Variants in SV2B observed in about 807,000 individuals in gnomAD.
SV2B encodes solute carrier family 22 member B2.
In SV2B, 41 loss-of-function variants were observed where a neutral mutation model predicts 73.9. The observed-to-expected ratio is 0.56, with a 90% CI of 0.43 to 0.72. The LOEUF (loss-of-function observed/expected upper bound fraction) is 0.72. SV2B is among the 30% of genes least tolerant of loss of function. SV2B has a pLI of 0.00. For synonymous variants in SV2B, 314 were observed against 314.2 expected (o/e 1.00, Z 0.01); for missense variants, 764 against 857.8 (o/e 0.89, Z 1.37).
chr15:91,153,101 C>T (rs1482636717), intron 1 of SV2B, among the ~76,000 whole-genome samples: 1 of 152,044 alleles, frequency 6.6e-6, no homozygotes, highest in Non-Finnish European at 1.5e-5. Context: ...ATGCTCTGTC[C>T]TTATATGGCA....
rs1251230332 is a variant in SV2B at position 91,139,236 on chromosome 15, T to G, written c.-392+38873T>G. On this transcript the variant is annotated intron_variant, in intron 1 of 12. Transcript: ENST00000394232. The surrounding 1 kb of genome is among the most constrained non-coding windows in gnomAD (Gnocchi z 5.2). The stretch of plus-strand genomic sequence containing the variant: ...GAACTGGGTAGGGGTATAGATGATA[T>G]GAGATTGGAATGAGTTGATAATTGT... 6.6e-6 allele frequency among the ~76,000 whole-genome samples: 1 copy of G among 152,014 alleles called. No individual in the cohort carries two copies.
intron 1 of SV2B, among the ~76,000 whole-genome samples, chr15:91,196,607 C>A (rs2045254475): frequency 6.6e-6 from 1 of 152,306 alleles, no homozygotes; most frequent in South Asian, 2.1e-4. Context: ...GGAAATCCGA[C>A]CTTGATTCTT....
chr15:91,154,123 A>C (rs1328603527), intron 1 of SV2B, among the ~76,000 whole-genome samples: 3 of 147,860 alleles, frequency 2.0e-5, no homozygotes, highest in Non-Finnish European at 3.0e-5. Context: ...TTTTATATCA[A>C]TATATTAATA....
rs955501391 is a variant in SV2B, at chr15:91,297,131, G to C, written c.*4579G>C. 6.5e-6 allele frequency: 1 copy of C among 154,534 alleles called. No individual in the cohort carries two copies. Among genetic ancestry groups the C allele is most frequent in the Non-Finnish European group, 1.4e-5 (1 of 69,720 alleles). 9.6% of individuals were successfully genotyped at this position (154,534 alleles called of 1,614,324 possible). A position where few individuals can be genotyped will look rare whatever the true frequency, so the allele number is the denominator to read the frequency against. ...GCACGCTCCTTCTGCCTGATTGTTG[G>C]AAGCACGCTCCTTCTGCCTTCAGAC... On this transcript the variant is annotated 3_prime_UTR_variant, in exon 13 of 13. Transcript: ENST00000394232. This position sits in a 1 kb window ranked among gnomAD's most constrained non-coding sequence, Gnocchi z 5.1.
At chr15:91,152,467 C>T (rs917012618) in intron 1 of SV2B, among the ~76,000 whole-genome samples, 6 of 151,746 alleles carry the variant, frequency 4.0e-5, no homozygotes, top group African/African-American at 1.5e-4. Context: ...TATGAGGGAA[C>T]ATGTATTATT....
intron 2 of SV2B, among the ~76,000 whole-genome samples, chr15:91,238,590 C>T (rs1188431013): frequency 6.6e-6 from 1 of 152,212 alleles, no homozygotes; most frequent in African/African-American, 2.4e-5. Context: ...ATTGGCCTCT[C>T]AGGGTGCTGG....
chr15:91,129,453 C>T lies in SV2B; in HGVS notation c.-392+29090C>T, dbSNP rs929297684. Among the ~76,000 whole-genome samples, 13 of 152,068 alleles carry T rather than the reference C, an allele frequency of 8.5e-5. No individual in the cohort carries two copies. Among genetic ancestry groups the T allele is most frequent in the Non-Finnish European group, 1.5e-4 (10 of 67,994 alleles). ...AGGAGCATTGAGGCTGAGTCAAGTG[C>T]AATGGTGGGGATCAGCAAAGATGTA... On this transcript the variant is annotated intron_variant, in intron 1 of 12. Transcript: ENST00000394232. This position sits in a 1 kb window ranked among gnomAD's most constrained non-coding sequence, Gnocchi z 5.1.
chr15:91,178,824 T>C (rs1252710700), intron 1 of SV2B, among the ~76,000 whole-genome samples: 2 of 145,156 alleles, frequency 1.4e-5, no homozygotes, highest in East Asian at 4.4e-4. Context: ...TCAATTTTGT[T>C]GATCCTTTCA....
Position 91,268,437 on chromosome 15 carries a change from C to T in SV2B, c.1209-4C>T. 1 of 1,609,668 alleles carries T rather than the reference C, an allele frequency of 6.2e-7. No individual in the cohort carries two copies. Among genetic ancestry groups the T allele is most frequent in the Non-Finnish European group, 8.5e-7 (1 of 1,176,458 alleles). On this transcript the variant is annotated splice_region_variant and splice_polypyrimidine_tract_variant and intron_variant, in intron 8 of 12. Coordinates refer to ENST00000394232, the MANE Select transcript of SV2B (RefSeq NM_001323032.3). The surrounding 1 kb of genome is among the most constrained non-coding windows in gnomAD (Gnocchi z 4.4). ...GTTGCAACCTTCTGCCTTCTCCACT[C>T]CAGTTACTATGGACTGACAGTTTGG... is the stretch of plus-strand genomic sequence containing the variant.
chr15:91,177,192 A>C (rs2044345520), intron 1 of SV2B, among the ~76,000 whole-genome samples: 1 of 152,046 alleles, frequency 6.6e-6, no homozygotes, highest in South Asian at 2.1e-4. Flanking sequence ...GTCAAAGATC[A>C]GATAGTTGTA....
Position 91,110,922 on chromosome 15 carries a change from T to C in SV2B, c.-392+10559T>C, listed in dbSNP as rs563966589. ...AGGGTAGCAATGTAAAGGCAGTAGC[T>C]TGAAACTTAAGGCAAAGAAGAGAAA... On this transcript the variant is annotated intron_variant, in intron 1 of 12. Coordinates refer to ENST00000394232, the MANE Select transcript of SV2B (RefSeq NM_001323032.3). This position sits in a 1 kb window ranked among gnomAD's most constrained non-coding sequence, Gnocchi z 5.4. Among the ~76,000 whole-genome samples, 4 of 151,620 alleles carry C rather than the reference T, an allele frequency of 2.6e-5. No individual in the cohort carries two copies. The East Asian group carries it at 7.7e-4, about 29-fold the overall frequency.
chr15:91,178,836 C>A (rs200290563), intron 1 of SV2B, among the ~76,000 whole-genome samples: 35,155 of 124,136 alleles, frequency 0.28, 5,603 homozygotes, highest in East Asian at 0.64. Context: ...ATCCTTTCAA[C>A]AAACCAGCTC....
At chr15:91,193,024 A>G (rs2045099917) in intron 1 of SV2B, among the ~76,000 whole-genome samples, 1 of 152,192 alleles carries the variant, frequency 6.6e-6, no homozygotes, top group Non-Finnish European at 1.5e-5. Flanking sequence ...ACACAAATCT[A>G]TCTACTCATT....
At chr15:91,192,915 A>G (rs1235593945) in intron 1 of SV2B, among the ~76,000 whole-genome samples, 10 of 152,184 alleles carry the variant, frequency 6.6e-5, no homozygotes, top group Non-Finnish European at 7.3e-5. Context: ...GATGCAGTAC[A>G]TTGGCTTGGG....
At position 91,105,449 on chromosome 15, in the gene SV2B, C is replaced by T. The variant is rs2041857532; in HGVS notation, c.-392+5086C>T. Among the ~76,000 whole-genome samples, 1 of 152,116 alleles carries T rather than the reference C, an allele frequency of 6.6e-6. No homozygotes were observed. Among genetic ancestry groups the T allele is most frequent in the Non-Finnish European group, 1.5e-5 (1 of 68,018 alleles). ...GATAACTGGCATGTTCCAGGAACAGCAAGGTGGCTTATGTAGAAGGAACTG... is the reference window on the plus strand; with the variant it reads ...GATAACTGGCATGTTCCAGGAACAGTAAGGTGGCTTATGTAGAAGGAACTG... On this transcript the variant is annotated intron_variant, in intron 1 of 12. Transcript: ENST00000394232. The surrounding 1 kb of genome is among the most constrained non-coding windows in gnomAD (Gnocchi z 5.5).
chr15:91,148,135 C>G (rs530311514), intron 1 of SV2B, among the ~76,000 whole-genome samples: 53 of 151,772 alleles, frequency 3.5e-4, no homozygotes, highest in African/African-American at 1.1e-3. Flanking sequence ...TGTGTGCCAC[C>G]ACGCCTGGCT....
At position 91,105,534 on chromosome 15, in the gene SV2B, G is replaced by C. The variant is rs12913562; in HGVS notation, c.-392+5171G>C. Among the ~76,000 whole-genome samples the C allele has an allele frequency of 0.53, 80,910 of 152,106 alleles. 22,317 individuals carry two copies. Among genetic ancestry groups the C allele is most frequent in the Non-Finnish European group, 0.57 (38,823 of 67,980 alleles). ...AGAAGTAGCAGGGAGCCAGCTAATAGAAGGTCCTGTAGGGCCTTGTGTAGA... is the reference window on the plus strand; with the variant it reads ...AGAAGTAGCAGGGAGCCAGCTAATACAAGGTCCTGTAGGGCCTTGTGTAGA... On this transcript the variant is annotated intron_variant, in intron 1 of 12. Transcript: ENST00000394232. This position sits in a 1 kb window ranked among gnomAD's most constrained non-coding sequence, Gnocchi z 5.5.
At position 91,258,990 on chromosome 15, in the gene SV2B, G is replaced by A. The variant is rs1013908256; in HGVS notation, c.918+436G>A. 6.6e-6 allele frequency among the ~76,000 whole-genome samples: 1 copy of A among 151,934 alleles called. No homozygotes were observed. The highest frequency in any genetic ancestry group is 1.5e-5 in the Non-Finnish European group (1 of 68,008). On this transcript the variant is annotated intron_variant, in intron 5 of 12. Coordinates refer to ENST00000394232, the MANE Select transcript of SV2B (RefSeq NM_001323032.3). The surrounding 1 kb of genome is among the most constrained non-coding windows in gnomAD (Gnocchi z 4.7). ...GCATGCCTGTGGTCCCATCTACTTGGGAGGCTGAGGTGGGAGGACTGCTTG... is the reference window on the plus strand; with the variant it reads ...GCATGCCTGTGGTCCCATCTACTTGAGAGGCTGAGGTGGGAGGACTGCTTG...
chr15:91,107,169 A>G (rs2041906056), intron 1 of SV2B, among the ~76,000 whole-genome samples: 1 of 152,088 alleles, frequency 6.6e-6, no homozygotes, highest in South Asian at 2.1e-4. Context: ...TGTGAGAAAG[A>G]GATGCAAGCT....
Sources: allele counts gnomAD v4.1 joint callset (sites outside exome capture counted in the v4.1 genomes callset), GRCh38; gene constraint gnomAD v4.1.1; non-coding constraint Gnocchi (gnomAD v3.1); transcripts MANE v1.5; gene names NCBI Gene and HGNC (gene_info 2026-07-23, HGNC 2026-07-21).